TOP3B: variants seen among roughly 807,000 people sequenced by gnomAD.
TOP3B encodes the protein DNA topoisomerase 3-beta-1.
In TOP3B, 45 loss-of-function variants were observed where a neutral mutation model predicts 93.9. The observed-to-expected ratio is 0.48, with a 90% CI of 0.38 to 0.61. TOP3B has a LOEUF of 0.61. Among genes scored for constraint, TOP3B ranks in the 20% least tolerant of loss-of-function variants. The pLI is 0.00. For synonymous variants in TOP3B, 357 were observed against 472.6 expected (o/e 0.76, Z 3.17); for missense variants, 750 against 1,156.1 (o/e 0.65, Z 5.09).
intron 14 of TOP3B, 32 bp from the exon 15 acceptor site, chr22:21,959,768 G>C: frequency 6.2e-7 from 1 of 1,602,990 alleles, no homozygotes; most frequent in Non-Finnish European, 8.5e-7. Flanking sequence ...ATATTGCCCT[G>C]AGCACTCGCA....
rs565038051 is a variant in TOP3B at position 21,970,682 on chromosome 22, C to T, written c.385-276G>A. 4.3e-5 allele frequency: 21 copies of T among 485,924 alleles called. No individual in the cohort carries two copies. The highest frequency in any genetic ancestry group is 2.7e-4 in the African/African-American group (14 of 51,912). The allele number at this position is 485,924 out of a possible 1,614,324, so 30.1% of individuals were successfully genotyped here. ...TACTCGAACACTCCCTTCTTACTCC[C>T]GCCCTCTCTTCTAATCCTCTGCTTT... On this transcript the variant is annotated intron_variant, in intron 5 of 17. Transcript: ENST00000357179. The surrounding 1 kb of genome is among the most constrained non-coding windows in gnomAD (Gnocchi z 4.4).
At chr22:21,959,540 C>CA (rs1227249440) in intron 15 of TOP3B, 47 bp downstream of exon 15, 7 of 1,558,366 alleles carry the variant, frequency 4.5e-6, no homozygotes, top group Non-Finnish European at 6.1e-6. Context: ...GCCTTGCTGA[C>CA]AGAGAGACAC....
Position 21,970,953 on chromosome 22 carries a change from A to G in TOP3B, c.385-547T>C. 1 of 1,205,364 alleles carries G rather than the reference A, an allele frequency of 8.3e-7. No individual in the cohort carries two copies. Among genetic ancestry groups the G allele is most frequent in the Non-Finnish European group, 1.1e-6 (1 of 938,470 alleles). 74.7% of individuals were successfully genotyped at this position (1,205,364 alleles called of 1,614,324 possible). A position where few individuals can be genotyped will look rare whatever the true frequency, so the allele number is the denominator to read the frequency against. Reference sequence around the variant, plus strand: ...GTGGGGGCAGCTCGGGCTAAAGCACAGCAGGGGTCCTGGAGCCGAGACTCA... The same window carrying G: ...GTGGGGGCAGCTCGGGCTAAAGCACGGCAGGGGTCCTGGAGCCGAGACTCA... On this transcript the variant is annotated intron_variant, in intron 5 of 17. Transcript: ENST00000357179. The surrounding 1 kb of genome is among the most constrained non-coding windows in gnomAD (Gnocchi z 4.4).
At chr22:21,962,125 C>T in intron 13 of TOP3B, 1 of 1,328,886 alleles carries the variant, frequency 7.5e-7, no homozygotes, top group Non-Finnish European at 9.7e-7. Flanking sequence ...TTCTATGAGT[C>T]ACCTGGCATC....
chr22:21,973,061 C>T, intron 3 of TOP3B: 1 of 368,668 alleles, frequency 2.7e-6, no homozygotes. Context: ...GTCTCTTTGC[C>T]TGAGCACTGG....
At position 21,959,540 on chromosome 22, in the gene TOP3B, C is replaced by G; in HGVS notation, c.1804+47G>C. 7.7e-6 allele frequency: 12 copies of G among 1,558,484 alleles called. 1 individual carries two copies. The highest frequency in any genetic ancestry group is 3.6e-5 in the South Asian group (3 of 82,822). On this transcript the variant is annotated intron_variant, in intron 15 of 17. Coordinates refer to ENST00000357179, the MANE Select transcript of TOP3B (RefSeq NM_001282112.2). ...GGTCCCCAGGTACTGGCCTTGCTGA[C>G]AGAGAGACACCCCTCTGGTGAGGGG...
chr22:21,966,944 C>A (rs977183447), intron 8 of TOP3B: 10 of 152,734 alleles, frequency 6.5e-5, no homozygotes, highest in Admixed American at 2.0e-4. Flanking sequence ...GGCAACAGGG[C>A]ACTCAAGGAA....
intron 16 of TOP3B, 196 bp downstream of exon 16, chr22:21,958,936 T>C (rs1384190361): frequency 3.9e-6 from 4 of 1,028,670 alleles, no homozygotes; most frequent in East Asian, 5.3e-5. Flanking sequence ...AAATGCACCA[T>C]GTGTGTTTGC....
chr22:21,970,551 CTTT>C lies in TOP3B; in HGVS notation c.385-148_385-146del, dbSNP rs2071596805. 2 of 814,472 alleles carry C rather than the reference CTTT, an allele frequency of 2.5e-6. No homozygotes were observed. The highest frequency in any genetic ancestry group is 3.9e-5 in the African/African-American group (2 of 51,754). 50.5% of individuals were successfully genotyped at this position (814,472 alleles called of 1,614,324 possible). A position where few individuals can be genotyped will look rare whatever the true frequency, so the allele number is the denominator to read the frequency against. On this transcript the variant is annotated intron_variant, in intron 5 of 17. Transcript: ENST00000357179. The surrounding 1 kb of genome is among the most constrained non-coding windows in gnomAD (Gnocchi z 4.4). Reference sequence around the variant, plus strand: ...CCCCTGCCAGACCCTCCTCTATCCCCTTTCCTGCACCTGCCAGACCCTCCTCTA... The same window carrying C: ...CCCCTGCCAGACCCTCCTCTATCCCCCCTGCACCTGCCAGACCCTCCTCTA...
intron 8 of TOP3B, chr22:21,967,314 C>A: frequency 2.7e-6 from 1 of 370,116 alleles, no homozygotes; most frequent in South Asian, 3.5e-5. Flanking sequence ...GAGGTAATGC[C>A]TAGCGGGTCA....
intron 6 of TOP3B, chr22:21,969,660 CAT>C (rs34122363): frequency 0.043 from 6,515 of 151,884 alleles, 324 homozygotes; most frequent in East Asian, 0.22. Context: ...CAGTGGCTCA[CAT>C]GTGTAATCCC....
Position 21,962,951 on chromosome 22 carries a change from GCCC to G in TOP3B, c.1205-61_1205-59del. On this transcript the variant is annotated intron_variant, in intron 11 of 17. Coordinates refer to ENST00000357179, the MANE Select transcript of TOP3B (RefSeq NM_001282112.2). ...CAGCTGGGGGCTCTGGCCGTGAGGA[GCCC>G]CCAGTACTCTCGCTCGAGCAGCAAG... is the stretch of plus-strand genomic sequence containing the variant. 3 of 1,595,706 alleles carry G rather than the reference GCCC, an allele frequency of 1.9e-6. No homozygotes were observed. In the South Asian group the frequency reaches 3.3e-5, roughly 18 times the overall value.
chr22:21,978,446 G>C (rs2071972720), intron 1 of TOP3B, among the ~76,000 whole-genome samples: 2 of 152,332 alleles, frequency 1.3e-5, no homozygotes, highest in Admixed American at 1.3e-4. Flanking sequence ...CCATGGCTTT[G>C]GCTTAGGCAT....
intron 16 of TOP3B, 157 bp from the exon 17 acceptor site, chr22:21,958,850 C>A (rs185904802): frequency 1.5e-6 from 2 of 1,298,390 alleles, no homozygotes; most frequent in African/African-American, 3.0e-5. Context: ...TTGCTCCACG[C>A]GTGCAGAAAA....
At position 21,970,453 on chromosome 22, in the gene TOP3B, C is replaced by T. The variant is rs73388163; in HGVS notation, c.385-47G>A. 5.5e-3 allele frequency: 8,688 copies of T among 1,579,570 alleles called. 415 individuals carry two copies. The African/African-American group carries it at 0.1, about 18-fold the overall frequency. On this transcript the variant is annotated intron_variant, in intron 5 of 17. Transcript: ENST00000357179. The surrounding 1 kb of genome is among the most constrained non-coding windows in gnomAD (Gnocchi z 4.4). ...CTGTGACCCACCTCCCAGATCCCTG[C>T]CACAGCTCCCCACCCCACTGTGAAG...
chr22:21,964,373 C>T (rs1326634473), intron 9 of TOP3B, 58 bp from the exon 10 acceptor site: 2 of 1,595,136 alleles, frequency 1.3e-6, no homozygotes, highest in African/African-American at 2.7e-5. Flanking sequence ...CAGCTGCCTG[C>T]CCTGGCCTAT....
At chr22:21,958,364 C>T (rs1310744830) in intron 17 of TOP3B, 128 bp downstream of exon 17, 1 of 1,531,548 alleles carries the variant, frequency 6.5e-7, no homozygotes, top group East Asian at 2.3e-5. Flanking sequence ...TCTCTCGTCT[C>T]AGTGCCAATG....
chr22:21,965,765 G>A (rs1363691584), intron 8 of TOP3B: 3 of 155,054 alleles, frequency 1.9e-5, no homozygotes, highest in South Asian at 1.9e-4. Context: ...TACTCGTGAC[G>A]CTGAGGCAGA....
At chr22:21,973,302 G>A (rs1422800326) in intron 3 of TOP3B, 3 of 160,696 alleles carry the variant, frequency 1.9e-5, no homozygotes, top group Non-Finnish European at 4.1e-5. Flanking sequence ...CTGAGACAGG[G>A]GTCTCGCTCT....
Sources: gnomAD v4.1 joint callset for allele counts (sites outside exome capture counted in the v4.1 genomes callset) on GRCh38, gnomAD v4.1.1 for gene constraint, Gnocchi (gnomAD v3.1) non-coding constraint, MANE v1.5 for transcripts, NCBI Gene and HGNC (gene_info 2026-07-23, HGNC 2026-07-21) for gene names.